Variants in CSMD1 observed in about 807,000 individuals in gnomAD.
CSMD1 encodes the protein CUB and sushi domain-containing protein 1.
A neutral mutation model predicts 417.5 loss-of-function variants in CSMD1; 213 were observed. The observed-to-expected ratio is 0.51, with a 90% CI of 0.46 to 0.57. The LOEUF (loss-of-function observed/expected upper bound fraction) is 0.57, where lower values mean the gene tolerates loss of function less well. CSMD1 is among the 20% of genes least tolerant of loss of function. The pLI, the probability that CSMD1 is intolerant of heterozygous loss-of-function variation, is 0.00. For synonymous variants in CSMD1, 2,862 were observed against 1,736.8 expected, an observed-to-expected ratio of 1.65 and a Z score of -16.11; for missense variants, 6,923 against 4,529.7, an observed-to-expected ratio of 1.53 and a Z score of -15.17.
At chr8:4,957,134 T>C (rs571007940) in intron 1 of CSMD1, among the ~76,000 whole-genome samples, 1 of 152,184 alleles carries the variant, frequency 6.6e-6, no homozygotes, top group African/African-American at 2.4e-5. Context: ...TAAAAGCAAA[T>C]GAAATCTGGC....
chr8:3,261,703 C>T (rs571084353), intron 26 of CSMD1, among the ~76,000 whole-genome samples: 1 of 152,126 alleles, frequency 6.6e-6, no homozygotes, highest in East Asian at 1.9e-4. Context: ...ACAAGCCGGC[C>T]CCATCAGCAC....
At chr8:4,038,787 G>A (rs898963355) in intron 3 of CSMD1, among the ~76,000 whole-genome samples, 2 of 152,198 alleles carry the variant, frequency 1.3e-5, no homozygotes, top group African/African-American at 4.8e-5. Context: ...AAAGAGCTCT[G>A]GGCACAGTTG....
At chr8:4,963,649 G>C (rs373457825) in intron 1 of CSMD1, among the ~76,000 whole-genome samples, 1 of 152,092 alleles carries the variant, frequency 6.6e-6, no homozygotes, top group East Asian at 1.9e-4. Flanking sequence ...AAGATAATAC[G>C]TGTAGTATGA....
intron 2 of CSMD1, among the ~76,000 whole-genome samples, chr8:4,465,923 G>T (rs574354273): frequency 6.6e-6 from 1 of 152,286 alleles, no homozygotes; most frequent in African/African-American, 2.4e-5. Context: ...ATAGAAGAAG[G>T]AAAAGTCAGT....
chr8:2,963,107 G>C, intron 60 of CSMD1, 115 bp downstream of exon 60: 1 of 1,130,612 alleles, frequency 8.8e-7, no homozygotes, highest in Non-Finnish European at 1.3e-6. Flanking sequence ...GTGTATTTTA[G>C]GGCTATTATT....
At chr8:4,176,915 C>A (rs1416673888) in intron 3 of CSMD1, among the ~76,000 whole-genome samples, 3 of 149,500 alleles carry the variant, frequency 2.0e-5, no homozygotes, top group East Asian at 3.9e-4. Context: ...TACAGGAGCA[C>A]CCAGATTCAT....
chr8:4,693,235 C>CAAG (rs1806891151), intron 1 of CSMD1, among the ~76,000 whole-genome samples: 1 of 152,170 alleles, frequency 6.6e-6, no homozygotes. Context: ...CGGCCATGAG[C>CAAG]AAGAAATGTT....
intron 8 of CSMD1, among the ~76,000 whole-genome samples, chr8:3,597,019 C>T (rs929909322): frequency 2.6e-5 from 4 of 152,170 alleles, no homozygotes; most frequent in African/African-American, 9.7e-5. Flanking sequence ...AACCCAGGTG[C>T]TGATGCCACC....
intron 27 of CSMD1, among the ~76,000 whole-genome samples, chr8:3,226,575 C>G (rs1418673512): frequency 7.6e-6 from 1 of 130,782 alleles, no homozygotes; most frequent in Non-Finnish European, 1.6e-5. Flanking sequence ...GAGCAAGACT[C>G]TGTCTCAAAA....
chr8:4,254,661 G>A (rs919265385), intron 3 of CSMD1, among the ~76,000 whole-genome samples: 3 of 152,140 alleles, frequency 2.0e-5, no homozygotes, highest in Non-Finnish European at 2.9e-5. Flanking sequence ...GCCGTAGACA[G>A]GTGTACCATT....
At chr8:3,228,141 TCTCCAGGTA>T (rs1798625242) in intron 27 of CSMD1, among the ~76,000 whole-genome samples, 1 of 152,218 alleles carries the variant, frequency 6.6e-6, no homozygotes, top group Non-Finnish European at 1.5e-5. Flanking sequence ...ATTGTAATTG[TCTCCAGGTA>T]AAAAGATGAC....
chr8:4,286,770 C>A (rs532354154), intron 3 of CSMD1, among the ~76,000 whole-genome samples: 4 of 152,280 alleles, frequency 2.6e-5, no homozygotes, highest in African/African-American at 9.6e-5. Flanking sequence ...GTTTTCTTTC[C>A]CATCGCCTGT....
intron 6 of CSMD1, among the ~76,000 whole-genome samples, chr8:3,719,758 C>A (rs1802043774): frequency 6.6e-6 from 1 of 152,176 alleles, no homozygotes; most frequent in Non-Finnish European, 1.5e-5. Flanking sequence ...CTTTCCATTC[C>A]TCCTGTGTGG....
At chr8:4,687,824 C>CACAT (rs953761477) in intron 1 of CSMD1, among the ~76,000 whole-genome samples, 2 of 120,738 alleles carry the variant, frequency 1.7e-5, no homozygotes, top group South Asian at 3.0e-4. Context: ...CACACAAACA[C>CACAT]ACATACATAC....
chr8:3,714,600 G>A (rs922092453), intron 6 of CSMD1, among the ~76,000 whole-genome samples: 2 of 125,894 alleles, frequency 1.6e-5, no homozygotes, highest in African/African-American at 3.0e-5. Context: ...AGCCAGGCAT[G>A]GTGGCGGGCG....
intron 17 of CSMD1, among the ~76,000 whole-genome samples, chr8:3,395,646 T>C (rs1811646151): frequency 1.3e-5 from 2 of 152,228 alleles, no homozygotes; most frequent in African/African-American, 4.8e-5. Flanking sequence ...TTTAAAGTAT[T>C]ATTCATGCTT....
At chr8:3,729,907 T>C (rs573918699) in intron 6 of CSMD1, among the ~76,000 whole-genome samples, 1 of 117,650 alleles carries the variant, frequency 8.5e-6, no homozygotes, top group Non-Finnish European at 1.6e-5. Context: ...AGAATTATTA[T>C]TTGCCAATTC....
rs562898269 is a variant in CSMD1 at position 4,090,116 on chromosome 8, T to C, written c.416-58017A>G. Among the ~76,000 whole-genome samples, 15 of 152,340 alleles carry C rather than the reference T, an allele frequency of 9.8e-5. No individual in the cohort carries two copies. In the East Asian group the frequency reaches 1.7e-3, roughly 18 times the overall value. ...AAATACACCTTTTGCTATGTTTAACTCTGGAAGCTCATCATTAATAGAATA... is the reference window on the plus strand; with the variant it reads ...AAATACACCTTTTGCTATGTTTAACCCTGGAAGCTCATCATTAATAGAATA... On this transcript the variant is annotated intron_variant, in intron 3 of 69. Transcript: ENST00000635120.
At chr8:4,337,350 G>A (rs1030793444) in intron 3 of CSMD1, among the ~76,000 whole-genome samples, 1 of 152,008 alleles carries the variant, frequency 6.6e-6, no homozygotes, top group Non-Finnish European at 1.5e-5. Flanking sequence ...CGACATTGTT[G>A]CAAACTTCCA....
Sources: allele counts gnomAD v4.1 joint callset (sites outside exome capture counted in the v4.1 genomes callset), GRCh38; gene constraint gnomAD v4.1.1; transcripts MANE v1.5; gene names NCBI Gene and HGNC (gene_info 2026-07-23, HGNC 2026-07-21).